AKAP13: variants seen among roughly 807,000 people sequenced by gnomAD.
The protein encoded by AKAP13 is A-kinase anchoring protein 13.
A neutral mutation model predicts 264.5 loss-of-function variants in AKAP13; 80 were observed. That is an observed-to-expected ratio of 0.30 (90% confidence interval 0.25 to 0.36). The LOEUF is 0.36. Among genes scored for constraint, AKAP13 ranks in the 10% least tolerant of loss-of-function variants. The probability of loss-of-function intolerance (pLI) is 1.00; values close to 1 mark genes in which losing one functional copy is unlikely to be tolerated. For synonymous variants in AKAP13, 1,380 were observed against 1,250.2 expected (o/e 1.10, Z -2.19); for missense variants, 3,712 against 3,435.2 (o/e 1.08, Z -2.01).
At chr15:85,480,627 G>C (rs983297528) in intron 1 of AKAP13, among the ~76,000 whole-genome samples, 2 of 151,740 alleles carry the variant, frequency 1.3e-5, no homozygotes, top group Non-Finnish European at 2.9e-5. Context: ...GGGGTGGGGG[G>C]GTTAAGCTGA....
In AKAP13 at chr15:85,722,005, T is replaced by A. The variant is rs1174862212; in HGVS notation, c.6267T>A (p.Asn2089Lys). ...DVLVNQFSGE[N>K]AERLKKTYGK... ...TTTCTCTGCAGTTTTCAGGTGAGAATGCAGAACGTTTAAAGAAGACATATG... is the reference window on the plus strand; with the variant it reads ...TTTCTCTGCAGTTTTCAGGTGAGAAAGCAGAACGTTTAAAGAAGACATATG... Residue 2089 changes from asparagine to lysine, a missense_variant, in exon 24 of 37, where the codon AAT becomes AAA. Coordinates refer to ENST00000394518, the MANE Select transcript of AKAP13 (RefSeq NM_007200.5). 1 of 1,614,120 alleles carries A rather than the reference T, an allele frequency of 6.2e-7. No individual in the cohort carries two copies. The highest frequency in any genetic ancestry group is 8.5e-7 in the Non-Finnish European group (1 of 1,179,936).
At chr15:85,615,319 T>G (rs2080886519) in intron 8 of AKAP13, among the ~76,000 whole-genome samples, 1 of 152,198 alleles carries the variant, frequency 6.6e-6, no homozygotes. Flanking sequence ...CTCCTTCTCC[T>G]TTACCCTTTT....
At chr15:85,677,117 T>C (rs917691661) in intron 14 of AKAP13, 2 of 985,356 alleles carry the variant, frequency 2.0e-6, no homozygotes, top group Non-Finnish European at 2.4e-6. Context: ...GCAACTTTGG[T>C]GTCCAGTGAC....
chr15:85,542,668 G>T (rs983379431), intron 4 of AKAP13, among the ~76,000 whole-genome samples: 2 of 152,166 alleles, frequency 1.3e-5, no homozygotes, highest in African/African-American at 4.8e-5. Flanking sequence ...GCCTTGTGGG[G>T]CTATATGTGG....
chr15:85,516,030 A>G (rs976526309), intron 2 of AKAP13, among the ~76,000 whole-genome samples: 4 of 152,218 alleles, frequency 2.6e-5, no homozygotes, highest in Admixed American at 1.3e-4. Flanking sequence ...CAGAAAACTC[A>G]GAAAAGCACA....
chr15:85,426,397 A>T (rs1233330752), intron 1 of AKAP13, among the ~76,000 whole-genome samples: 1 of 152,228 alleles, frequency 6.6e-6, no homozygotes, highest in African/African-American at 2.4e-5. Flanking sequence ...GATCATCTAA[A>T]ACAAAAATAG....
intron 1 of AKAP13, among the ~76,000 whole-genome samples, chr15:85,471,044 G>A (rs1235113071): frequency 1.3e-5 from 2 of 152,048 alleles, no homozygotes; most frequent in African/African-American, 2.4e-5. Flanking sequence ...GCCTCTTGTT[G>A]CCAGCCTGTT....
At position 85,723,742 on chromosome 15, in the gene AKAP13, C is replaced by G. The variant is rs1351531568; in HGVS notation, c.6745+422C>G. On this transcript the variant is annotated intron_variant, in intron 26 of 36. Coordinates refer to ENST00000394518, the MANE Select transcript of AKAP13 (RefSeq NM_007200.5). The stretch of plus-strand genomic sequence containing the variant: ...CAGAATCTGTGAGTTCAAAACACAT[C>G]ACTTGTTCACAAGAGATGTTAGAGG... Among the ~76,000 whole-genome samples the G allele has an allele frequency of 7.2e-5, 11 of 152,264 alleles. No individual in the cohort carries two copies. In the East Asian group the frequency reaches 2.1e-3, roughly 29 times the overall value.
intron 23 of AKAP13, among the ~76,000 whole-genome samples, chr15:85,721,487 C>T (rs2087279704): frequency 6.6e-6 from 1 of 152,160 alleles, no homozygotes; most frequent in Non-Finnish European, 1.5e-5. Flanking sequence ...TGAGATTGCA[C>T]ACATTTGGGA....
intron 1 of AKAP13, among the ~76,000 whole-genome samples, chr15:85,409,798 T>C (rs2150866347): frequency 6.6e-6 from 1 of 151,368 alleles, no homozygotes; most frequent in South Asian, 2.1e-4. Flanking sequence ...ACCCTGCTAA[T>C]TTTCTTGTAT....
chr15:85,516,887 A>G (rs896172955), intron 2 of AKAP13, among the ~76,000 whole-genome samples: 2 of 152,358 alleles, frequency 1.3e-5, no homozygotes, highest in Admixed American at 1.3e-4. Context: ...GATACAATAG[A>G]TACAAACTTT....
At chr15:85,461,639 G>A (rs1222716695) in intron 1 of AKAP13, among the ~76,000 whole-genome samples, 1 of 151,894 alleles carries the variant, frequency 6.6e-6, no homozygotes, top group Non-Finnish European at 1.5e-5. Flanking sequence ...GGGGAGGGGT[G>A]CAGGGAAGTC....
intron 13 of AKAP13, among the ~76,000 whole-genome samples, chr15:85,667,254 C>T (rs1301549311): frequency 1.3e-5 from 2 of 152,160 alleles, no homozygotes; most frequent in African/African-American, 4.8e-5. Context: ...TATTGTAACA[C>T]TTATGCTTGT....
rs190503288 is a variant in AKAP13 at position 85,505,096 on chromosome 15, A to G, written c.34-16332A>G. Among the ~76,000 whole-genome samples, 918 of 152,286 alleles carry G rather than the reference A, an allele frequency of 6.0e-3. 5 individuals are homozygous for G. The highest frequency in any genetic ancestry group is 0.021 in the African/African-American group (881 of 41,556). ...AACAAGAAGAACTTACACTCTTACAATTTTTCAACACTCTCTTCCTTTTAA... is the reference window on the plus strand; with the variant it reads ...AACAAGAAGAACTTACACTCTTACAGTTTTTCAACACTCTCTTCCTTTTAA... On this transcript the variant is annotated intron_variant, in intron 2 of 36. Transcript: ENST00000394518.
chr15:85,584,324 A>G (rs2079246858), intron 7 of AKAP13, among the ~76,000 whole-genome samples: 1 of 152,200 alleles, frequency 6.6e-6, no homozygotes, highest in Non-Finnish European at 1.5e-5. Context: ...GACACCCGTC[A>G]AGTGTGAGTA....
At chr15:85,638,807 A>G (rs2082179148) in intron 8 of AKAP13, among the ~76,000 whole-genome samples, 1 of 151,446 alleles carries the variant, frequency 6.6e-6, no homozygotes, top group South Asian at 2.1e-4. Context: ...CCCAGGCTGG[A>G]GTGCAGTGGC....
rs1331738897 is a variant in AKAP13 at position 85,581,451 on chromosome 15, C to G, written c.3383C>G (p.Ala1128Gly). Residue 1128 changes from alanine to glycine, a missense_variant, in exon 7 of 37, where the codon GCC becomes GGC. Physicochemically the swap from Ala to Gly is moderately conservative, Grantham distance 60 (BLOSUM62 0). This residue lies in a region of AKAP13 where 2,759 missense variants were observed against 2,411.7 expected (regional missense o/e 1.14). Transcript: ENST00000394518. ...PNVLLSQEKN[A>G]VLGLPVALQD... ...GTCTTGTTGAGCCAAGAGAAGAATG[C>G]CGTTCTAGGTTTGCCAGTGGCTCTA... 1 of 1,614,004 alleles carries G rather than the reference C, an allele frequency of 6.2e-7. No homozygotes were observed. Among genetic ancestry groups the G allele is most frequent in the Non-Finnish European group, 8.5e-7 (1 of 1,180,030 alleles).
At chr15:85,531,628 A>G (rs1397713434) in intron 3 of AKAP13, among the ~76,000 whole-genome samples, 1 of 152,224 alleles carries the variant, frequency 6.6e-6, no homozygotes, top group Non-Finnish European at 1.5e-5. Flanking sequence ...CATATATTAA[A>G]TGCATAAATA....
chr15:85,572,131 A>G (rs1443952614), intron 5 of AKAP13, among the ~76,000 whole-genome samples: 1 of 152,228 alleles, frequency 6.6e-6, no homozygotes, highest in Admixed American at 6.5e-5. Flanking sequence ...ACTCCATTTC[A>G]TGGAGAATGG....
Sources: allele counts gnomAD v4.1 joint callset (sites outside exome capture counted in the v4.1 genomes callset), GRCh38; gene constraint gnomAD v4.1.1; regional missense constraint gnomAD v4.1.1; transcripts MANE v1.5; gene names NCBI Gene and HGNC (gene_info 2026-07-23, HGNC 2026-07-21).